Variants in PSD3 observed in about 807,000 individuals in gnomAD.
PSD3 encodes the protein PH and SEC7 domain-containing protein 3.
Under a neutral mutation model 105.5 loss-of-function variants are expected in PSD3, and 49 were observed. That is an observed-to-expected ratio of 0.46 (90% CI 0.37 to 0.59). PSD3 has a LOEUF of 0.59. PSD3 is among the 20% of genes least tolerant of loss of function. The probability of loss-of-function intolerance (pLI) is 0.00; values close to 1 mark genes in which losing one functional copy is unlikely to be tolerated. For missense variants in PSD3, 1,561 were observed against 1,263.8 expected (o/e 1.24, Z -3.57); for synonymous variants, 557 against 457.8 (o/e 1.22, Z -2.77).
intron 4 of PSD3, chr8:18,864,988 C>T (rs992329691): frequency 6.6e-6 from 1 of 151,720 alleles, no homozygotes; most frequent in African/African-American, 2.4e-5. Flanking sequence ...AGCAGCTCTA[C>T]ATTTAGAACT....
intron 9 of PSD3, among the ~76,000 whole-genome samples, chr8:18,702,510 G>C (rs1293181423): frequency 1.3e-5 from 2 of 152,184 alleles, no homozygotes; most frequent in African/African-American, 4.8e-5. Context: ...AATGTGCAAT[G>C]ATCAAGTCAG....
chr8:18,817,859 C>T (rs1261698671), intron 4 of PSD3, among the ~76,000 whole-genome samples: 2 of 152,146 alleles, frequency 1.3e-5, no homozygotes, highest in Non-Finnish European at 1.5e-5. Flanking sequence ...CAGAATGCAG[C>T]GGTGAAGAGG....
At chr8:18,591,270 G>A (rs1017670223) in intron 12 of PSD3, among the ~76,000 whole-genome samples, 1 of 152,168 alleles carries the variant, frequency 6.6e-6, no homozygotes, top group African/African-American at 2.4e-5. Flanking sequence ...TGGGGGAAAG[G>A]AAAGAGGTCT....
chr8:18,738,770 C>A (rs2129433808), intron 9 of PSD3, among the ~76,000 whole-genome samples: 1 of 152,120 alleles, frequency 6.6e-6, no homozygotes, highest in Middle Eastern at 3.4e-3. Flanking sequence ...TGATCACTTT[C>A]CAGAAATGCT....
intron 1 of PSD3, among the ~76,000 whole-genome samples, chr8:18,994,922 C>T (rs1326339241): frequency 6.6e-6 from 1 of 150,622 alleles, no homozygotes; most frequent in Non-Finnish European, 1.5e-5. Context: ...CTTCTCCAAC[C>T]CCCACCGAGA....
intron 11 of PSD3, 54 bp from the exon 12 acceptor site, chr8:18,600,488 A>C (rs959558277): frequency 7.3e-7 from 1 of 1,364,036 alleles, no homozygotes; most frequent in African/African-American, 1.5e-5. Flanking sequence ...TTTTAGAAAG[A>C]GAATCTAAAT....
chr8:18,791,145 A>G (rs1809683571), intron 8 of PSD3, among the ~76,000 whole-genome samples: 1 of 152,210 alleles, frequency 6.6e-6, no homozygotes, highest in Non-Finnish European at 1.5e-5. Context: ...GAAAATGGCC[A>G]TACTATCCAA....
chr8:18,922,459 G>C (rs1326100027), intron 2 of PSD3, among the ~76,000 whole-genome samples: 1 of 152,138 alleles, frequency 6.6e-6, no homozygotes, highest in South Asian at 2.1e-4. Context: ...AAACTAAACG[G>C]AAGTGCTTTT....
At chr8:18,698,943 T>A (rs755805987) in intron 9 of PSD3, among the ~76,000 whole-genome samples, 1 of 152,162 alleles carries the variant, frequency 6.6e-6, no homozygotes, top group Non-Finnish European at 1.5e-5. Context: ...TGAGAGATAG[T>A]AAATCTGTAT....
At chr8:18,642,090 G>C (rs954630786) in intron 10 of PSD3, among the ~76,000 whole-genome samples, 1 of 152,132 alleles carries the variant, frequency 6.6e-6, no homozygotes, top group African/African-American at 2.4e-5. Context: ...TGCCAGATAT[G>C]AGAAAGATGT....
chr8:18,735,027 G>C (rs1314928159), intron 9 of PSD3, among the ~76,000 whole-genome samples: 1 of 152,118 alleles, frequency 6.6e-6, no homozygotes, highest in African/African-American at 2.4e-5. Flanking sequence ...AGTAATATTG[G>C]CACATACGCC....
At chr8:18,761,434 A>G (rs1304255455) in intron 9 of PSD3, among the ~76,000 whole-genome samples, 2 of 152,224 alleles carry the variant, frequency 1.3e-5, no homozygotes, top group Admixed American at 6.5e-5. Context: ...TTTAATAGCT[A>G]ACAGACAATA....
chr8:18,852,429 C>A (rs1815660126), intron 4 of PSD3, among the ~76,000 whole-genome samples: 1 of 152,198 alleles, frequency 6.6e-6, no homozygotes, highest in African/African-American at 2.4e-5. Flanking sequence ...TATGAAAGAA[C>A]CCAGACACAA....
intron 8 of PSD3, among the ~76,000 whole-genome samples, chr8:18,798,185 C>A (rs143134700): frequency 6.7e-4 from 102 of 152,240 alleles, no homozygotes; most frequent in African/African-American, 2.3e-3. Context: ...CTATACTGCC[C>A]AAGAATGCTT....
At chr8:19,074,601 ATATATATATATTTTTT>A (rs1563546487) in intron 1 of PSD3, among the ~76,000 whole-genome samples, 6 of 54,810 alleles carry the variant, frequency 1.1e-4, no homozygotes, top group African/African-American at 3.3e-4. Context: ...ACATATATAT[ATATATATATATTTTTT>A]TTTTTTTTTT....
chr8:18,612,324 AT>A (rs1401841341), intron 11 of PSD3, among the ~76,000 whole-genome samples: 1 of 151,768 alleles, frequency 6.6e-6, no homozygotes, highest in East Asian at 1.9e-4. Context: ...TGTATTCGGA[AT>A]TTTTTTTGTA....
intron 4 of PSD3, among the ~76,000 whole-genome samples, chr8:18,837,206 A>T (rs1167923112): frequency 6.6e-6 from 1 of 152,196 alleles, no homozygotes; most frequent in Non-Finnish European, 1.5e-5. Flanking sequence ...TCCAGACAGT[A>T]TAAGATAGAC....
At chr8:19,013,468 TG>T in intron 1 of PSD3, 94 bp downstream of exon 1, 1 of 1,540,518 alleles carries the variant, frequency 6.5e-7, no homozygotes, top group Non-Finnish European at 8.8e-7. Flanking sequence ...CCCGGGATCC[TG>T]GGGGACAGAG....
intron 9 of PSD3, among the ~76,000 whole-genome samples, chr8:18,669,387 G>C (rs1799651654): frequency 6.6e-6 from 1 of 152,182 alleles, no homozygotes; most frequent in Non-Finnish European, 1.5e-5. Flanking sequence ...ATTAGGGACA[G>C]AAAGAAATTA....
Sources: gnomAD v4.1 joint callset for allele counts (sites outside exome capture counted in the v4.1 genomes callset) on GRCh38, gnomAD v4.1.1 for gene constraint, MANE v1.5 for transcripts, NCBI Gene and HGNC (gene_info 2026-07-23, HGNC 2026-07-21) for gene names.